Variants in RBM6 observed in about 807,000 individuals in gnomAD.
RBM6 encodes the protein RNA-binding protein 6.
RBM6 carries 23 observed loss-of-function variants against 140.4 expected under a neutral mutation model. The observed-to-expected ratio is 0.16, with a 90% CI of 0.12 to 0.23. The LOEUF (loss-of-function observed/expected upper bound fraction) is 0.23, where lower values mean the gene tolerates loss of function less well. Among genes scored for constraint, RBM6 ranks in the 10% least tolerant of loss-of-function variants. RBM6 has a pLI of 1.00. For missense variants in RBM6, 1,139 were observed against 1,386.7 expected (o/e 0.82, Z 2.84); for synonymous variants, 439 against 475.6 (o/e 0.92, Z 1.00).
intron 6 of RBM6, among the ~76,000 whole-genome samples, chr3:50,024,804 T>C (rs939138899): frequency 2.6e-5 from 4 of 151,848 alleles, no homozygotes; most frequent in Non-Finnish European, 4.4e-5. Flanking sequence ...ATACAAAAAA[T>C]TAGCTGGGCG....
intron 6 of RBM6, among the ~76,000 whole-genome samples, chr3:50,034,641 A>G (rs543439848): frequency 6.6e-6 from 1 of 152,186 alleles, no homozygotes; most frequent in Admixed American, 6.5e-5. Flanking sequence ...CATGCTTGTA[A>G]TCCCAGCTAC....
At chr3:49,994,955 T>C (rs2086014809) in intron 5 of RBM6, among the ~76,000 whole-genome samples, 1 of 152,160 alleles carries the variant, frequency 6.6e-6, no homozygotes, top group Admixed American at 6.6e-5. Flanking sequence ...ATATTCCTTA[T>C]AATTATTATG....
chr3:50,046,296 A>G (rs2089219257), intron 6 of RBM6, among the ~76,000 whole-genome samples: 1 of 137,656 alleles, frequency 7.3e-6, no homozygotes, highest in East Asian at 2.2e-4. Flanking sequence ...AAAAAAAAAG[A>G]CGGCCAGGCG....
chr3:50,028,238 G>A (rs1482326465), intron 6 of RBM6, among the ~76,000 whole-genome samples: 2 of 152,208 alleles, frequency 1.3e-5, no homozygotes, highest in African/African-American at 4.8e-5. Flanking sequence ...CCATTGAATA[G>A]CATATTTATT....
rs1378767055 is a variant in RBM6 at position 50,057,785 on chromosome 3, C to G, written c.1751C>G (p.Pro584Arg). ...TYPQPQKTSI[P>R]APLEKQPNQP... Reference sequence around the variant, plus strand: ...CCTCAGCCTCAGAAAACATCCATACCAGCACCATTGGAAAAACAGCCCAAC... The same window carrying G: ...CCTCAGCCTCAGAAAACATCCATACGAGCACCATTGGAAAAACAGCCCAAC... Residue 584 changes from proline to arginine, a missense_variant, in exon 9 of 21, where the codon CCA becomes CGA. Pro to Arg is a moderately radical substitution (Grantham distance 103). Coordinates refer to ENST00000266022, the MANE Select transcript of RBM6 (RefSeq NM_005777.3). 6.2e-7 allele frequency: 1 copy of G among 1,613,412 alleles called. No individual in the cohort carries two copies. Among genetic ancestry groups the G allele is most frequent in the Non-Finnish European group, 8.5e-7 (1 of 1,179,874 alleles).
intron 6 of RBM6, among the ~76,000 whole-genome samples, chr3:50,030,410 G>T (rs1320675780): frequency 1.3e-5 from 2 of 151,944 alleles, no homozygotes; most frequent in Non-Finnish European, 2.9e-5. Flanking sequence ...GTGACAGTAG[G>T]ACCTCTAGAA....
chr3:50,009,825 G>A (rs958812053), intron 6 of RBM6, among the ~76,000 whole-genome samples: 1 of 152,048 alleles, frequency 6.6e-6, no homozygotes, highest in Non-Finnish European at 1.5e-5. Flanking sequence ...GACTCACAAA[G>A]TTCTGGAATT....
At chr3:50,017,229 G>A (rs2087212109) in intron 6 of RBM6, among the ~76,000 whole-genome samples, 1 of 151,794 alleles carries the variant, frequency 6.6e-6, no homozygotes, top group African/African-American at 2.4e-5. Flanking sequence ...TTTGTTTTTA[G>A]CCATAAGGCC....
intron 6 of RBM6, among the ~76,000 whole-genome samples, chr3:50,037,595 G>C (rs1291031946): frequency 6.6e-6 from 1 of 152,146 alleles, no homozygotes; most frequent in Non-Finnish European, 1.5e-5. Flanking sequence ...TCAAGTACTT[G>C]GGTGGGAGGT....
At position 49,967,539 on chromosome 3, in the gene RBM6, T is replaced by C; in HGVS notation, c.114T>C (p.His38=). 1 of 1,614,172 alleles carries C rather than the reference T, an allele frequency of 6.2e-7. No homozygotes were observed. The highest frequency in any genetic ancestry group is 8.5e-7 in the Non-Finnish European group (1 of 1,180,028). Residue 38 remains histidine (H), a synonymous_variant, in exon 3 of 21, where the codon CAT becomes CAC. Coordinates refer to ENST00000266022, the MANE Select transcript of RBM6 (RefSeq NM_005777.3). The surrounding 1 kb of genome is among the most constrained non-coding windows in gnomAD (Gnocchi z 4.0). ...RDYPPPPLKS[H]AQERHSGNFP... The stretch of plus-strand genomic sequence containing the variant: ...ATCCTCCTCCTCCCCTTAAGAGTCA[T>C]GCTCAAGAGAGACACTCTGGCAACT...
At chr3:50,046,586 A>G (rs964878152) in intron 6 of RBM6, among the ~76,000 whole-genome samples, 6 of 150,512 alleles carry the variant, frequency 4.0e-5, no homozygotes, top group African/African-American at 1.5e-4. Flanking sequence ...TCTCAGGGAA[A>G]AAAAAAAAAA....
chr3:50,066,980 G>T (rs551253558), intron 17 of RBM6, among the ~76,000 whole-genome samples: 1 of 152,194 alleles, frequency 6.6e-6, no homozygotes, highest in South Asian at 2.1e-4. Flanking sequence ...CTTGAGATCA[G>T]GAGTTTGAGA....
chr3:50,053,710 A>G (rs1013259633), intron 7 of RBM6, among the ~76,000 whole-genome samples: 9 of 152,298 alleles, frequency 5.9e-5, no homozygotes, highest in African/African-American at 2.2e-4. Context: ...TTGGAAGCTC[A>G]GTGGCAAAAG....
chr3:50,058,750 T>A, intron 10 of RBM6, 188 bp downstream of exon 10: 1 of 441,562 alleles, frequency 2.3e-6, no homozygotes, highest in Admixed American at 3.6e-5. Context: ...CTGTCTCTAC[T>A]AAAAAATACA....
intron 6 of RBM6, among the ~76,000 whole-genome samples, chr3:50,044,521 T>TA: frequency 6.6e-6 from 1 of 150,974 alleles, no homozygotes; most frequent in East Asian, 2.0e-4. Context: ...AGGCGGAGGT[T>TA]GCAGTGAGCC....
At chr3:50,006,574 G>T (rs1483405750) in intron 6 of RBM6, among the ~76,000 whole-genome samples, 1 of 152,110 alleles carries the variant, frequency 6.6e-6, no homozygotes, top group Non-Finnish European at 1.5e-5. Flanking sequence ...TAACCTCTCT[G>T]TGTTTTAACG....
intron 6 of RBM6, among the ~76,000 whole-genome samples, chr3:50,041,127 G>GT (rs2088895307): frequency 6.6e-6 from 1 of 152,208 alleles, no homozygotes; most frequent in Non-Finnish European, 1.5e-5. Flanking sequence ...TTTAGTAAAA[G>GT]TTTTTGTTGT....
At position 50,058,115 on chromosome 3, in the gene RBM6, A is replaced by G. The variant is rs1487559644; in HGVS notation, c.1969+112A>G. ...TTCCAGTACCCTGAGAGATCTGTGC[A>G]TGACCTGATGACAGAGGCCATTGCT... is the stretch of plus-strand genomic sequence containing the variant. On this transcript the variant is annotated intron_variant, in intron 9 of 20. Transcript: ENST00000266022. 8.5e-6 allele frequency: 11 copies of G among 1,293,460 alleles called. No individual in the cohort carries two copies. The African/African-American group carries it at 8.9e-5, about 11-fold the overall frequency. The allele number at this position is 1,293,460 out of a possible 1,614,324, so 80.1% of individuals were successfully genotyped here. A position where few individuals can be genotyped will look rare whatever the true frequency, so the allele number is the denominator to read the frequency against.
At position 49,993,037 on chromosome 3, in the gene RBM6, T is replaced by G. The variant is rs958758058; in HGVS notation, c.1484-6403T>G. On this transcript the variant is annotated intron_variant, in intron 5 of 20. Transcript: ENST00000266022. ...CTCTTTAAAGAATAATTACTCCCCC[T>G]TTTGACTTATGTAGCATCTTGAGGT... is the stretch of plus-strand genomic sequence containing the variant. Among the ~76,000 whole-genome samples, 8 of 152,334 alleles carry G rather than the reference T, an allele frequency of 5.3e-5. No individual in the cohort carries two copies. The South Asian group carries it at 1.4e-3, about 28-fold the overall frequency.
Sources: allele counts gnomAD v4.1 joint callset (sites outside exome capture counted in the v4.1 genomes callset), GRCh38; gene constraint gnomAD v4.1.1; non-coding constraint Gnocchi (gnomAD v3.1); transcripts MANE v1.5; gene names NCBI Gene and HGNC (gene_info 2026-07-23, HGNC 2026-07-21).